Variants in FGF12 observed in about 807,000 individuals in gnomAD.
FGF12 encodes the protein fibroblast growth factor 12.
Under a neutral mutation model 23.6 loss-of-function variants are expected in FGF12, and 14 were observed. The observed-to-expected ratio is 0.59, with a 90% CI of 0.39 to 0.93. The LOEUF is 0.93. FGF12 is among the 40% of genes least tolerant of loss of function. The probability of loss-of-function intolerance (pLI) is 0.00; values close to 1 mark genes in which losing one functional copy is unlikely to be tolerated. For synonymous variants in FGF12, 62 were observed against 77.3 expected, an observed-to-expected ratio of 0.80 and a Z score of 1.04; for missense variants, 175 against 217.8, an observed-to-expected ratio of 0.80 and a Z score of 1.24.
chr3:192,167,772 A>ATATATTT (rs1715302128), intron 5 of FGF12, among the ~76,000 whole-genome samples: 14 of 15,392 alleles, frequency 9.1e-4, no homozygotes, highest in African/African-American at 1.3e-3. Flanking sequence ...TATATATAAA[A>ATATATTT]TTTTTTTTTT....
chr3:192,458,214 G>A (rs184286189), intron 2 of FGF12, among the ~76,000 whole-genome samples: 5 of 152,274 alleles, frequency 3.3e-5, no homozygotes, highest in East Asian at 1.9e-4. Context: ...ATGTGGGGTC[G>A]GAGTCCCCAC....
At chr3:192,176,150 A>G (rs190552236) in intron 4 of FGF12, among the ~76,000 whole-genome samples, 25 of 152,326 alleles carry the variant, frequency 1.6e-4, no homozygotes, top group African/African-American at 6.0e-4. Flanking sequence ...TCCCACTGTC[A>G]ACACTGTTTT....
intron 2 of FGF12, among the ~76,000 whole-genome samples, chr3:192,695,466 T>C (rs576039142): frequency 1.3e-5 from 2 of 152,198 alleles, no homozygotes; most frequent in Admixed American, 1.3e-4. Context: ...CTGCAGGCTC[T>C]TAGGGAAGAT....
intron 3 of FGF12, among the ~76,000 whole-genome samples, chr3:192,359,907 C>A (rs1718641956): frequency 6.7e-6 from 1 of 150,020 alleles, no homozygotes; most frequent in African/African-American, 2.4e-5. Flanking sequence ...AATATATTTT[C>A]CTTTTAAAAT....
chr3:192,519,448 CA>C (rs1472135822), intron 2 of FGF12, among the ~76,000 whole-genome samples: 2 of 152,088 alleles, frequency 1.3e-5, no homozygotes, highest in African/African-American at 2.4e-5. Flanking sequence ...ATCATTATGG[CA>C]GGGGGGAGGG....
intron 4 of FGF12, among the ~76,000 whole-genome samples, chr3:192,179,399 C>T (rs995728261): frequency 2.6e-5 from 4 of 152,054 alleles, no homozygotes; most frequent in Non-Finnish European, 5.9e-5. Flanking sequence ...CAACCTGTGA[C>T]GTACTGGAAA....
chr3:192,651,233 G>T (rs1335692238), intron 2 of FGF12, among the ~76,000 whole-genome samples: 12 of 152,182 alleles, frequency 7.9e-5, no homozygotes, highest in Admixed American at 7.9e-4. Flanking sequence ...ACCGACATTT[G>T]TTGAAGCCTT....
chr3:192,493,193 G>A (rs529541644), intron 2 of FGF12, among the ~76,000 whole-genome samples: 2 of 152,194 alleles, frequency 1.3e-5, no homozygotes, highest in Admixed American at 6.5e-5. Flanking sequence ...CTGAGACTGT[G>A]TGCCTTTAGC....
chr3:192,537,950 C>CTTTTT (rs370317111), intron 2 of FGF12, among the ~76,000 whole-genome samples: 2 of 121,400 alleles, frequency 1.6e-5, no homozygotes, highest in South Asian at 5.7e-4. Context: ...AGCCTTTAAC[C>CTTTTT]TTTTTTTTTT....
At chr3:192,263,894 ATCTTAT>A (rs1712914073) in intron 4 of FGF12, among the ~76,000 whole-genome samples, 1 of 152,096 alleles carries the variant, frequency 6.6e-6, no homozygotes, top group Admixed American at 6.6e-5. Flanking sequence ...CCAACAAAAT[ATCTTAT>A]TCTTATTCTT....
At chr3:192,526,261 A>C (rs970502317) in intron 2 of FGF12, among the ~76,000 whole-genome samples, 2 of 152,096 alleles carry the variant, frequency 1.3e-5, no homozygotes, top group Non-Finnish European at 2.9e-5. Context: ...ACCTGCGCAT[A>C]TTTCTTAGCA....
intron 4 of FGF12, among the ~76,000 whole-genome samples, chr3:192,256,746 A>G (rs1425165250): frequency 6.6e-6 from 1 of 152,198 alleles, no homozygotes; most frequent in Non-Finnish European, 1.5e-5. Context: ...AATTTCAAGT[A>G]TGGTTTTATT....
intron 2 of FGF12, among the ~76,000 whole-genome samples, chr3:192,706,493 C>T (rs1338693351): frequency 1.3e-5 from 2 of 152,062 alleles, no homozygotes; most frequent in Non-Finnish European, 2.9e-5. Flanking sequence ...AGTGCCACTT[C>T]CTTCCTTTCT....
In FGF12 at chr3:192,402,277, G is replaced by A. The variant is rs571927950; in HGVS notation, c.14-41739C>T. On this transcript the variant is annotated intron_variant, in intron 2 of 5. Transcript: ENST00000445105. ...CCCAGTGGGTCCTTAGGTATCCCAT[G>A]TGGCACCCCTTCATATCATCAAGGC... Among the ~76,000 whole-genome samples, 4 of 152,306 alleles carry A rather than the reference G, an allele frequency of 2.6e-5. No individual in the cohort carries two copies. In the South Asian group the frequency reaches 8.3e-4, roughly 32 times the overall value.
intron 4 of FGF12, among the ~76,000 whole-genome samples, chr3:192,273,250 A>G (rs1241692454): frequency 6.6e-6 from 1 of 152,234 alleles, no homozygotes; most frequent in African/African-American, 2.4e-5. Context: ...GTATTTATAC[A>G]TATGAATGAG....
chr3:192,227,519 GA>G (rs1042832525), intron 4 of FGF12, among the ~76,000 whole-genome samples: 2 of 144,584 alleles, frequency 1.4e-5, no homozygotes, highest in Non-Finnish European at 3.0e-5. Flanking sequence ...TTTAACCAGG[GA>G]AAAAACATTT....
At chr3:192,439,817 A>C (rs571536820) in intron 2 of FGF12, among the ~76,000 whole-genome samples, 6 of 152,190 alleles carry the variant, frequency 3.9e-5, no homozygotes, top group Admixed American at 2.6e-4. Context: ...TCTACTAAAA[A>C]TACAAAAAAT....
chr3:192,501,495 A>G (rs867240437), intron 2 of FGF12, among the ~76,000 whole-genome samples: 35 of 152,182 alleles, frequency 2.3e-4, no homozygotes, highest in African/African-American at 7.7e-4. Context: ...CATGGAATCC[A>G]TAAGTATTGC....
intron 2 of FGF12, among the ~76,000 whole-genome samples, chr3:192,378,080 T>TTCTTTCTG (rs1553805090): frequency 0.081 from 8,557 of 105,740 alleles, 801 homozygotes; most frequent in African/African-American, 0.11. Context: ...CTTTCTTTCT[T>TTCTTTCTG]TCTTTCTTTC....
Sources: gnomAD v4.1 joint callset for allele counts (sites outside exome capture counted in the v4.1 genomes callset) on GRCh38, gnomAD v4.1.1 for gene constraint, MANE v1.5 for transcripts, NCBI Gene and HGNC (gene_info 2026-07-23, HGNC 2026-07-21) for gene names.